ZDHHC14: variants seen among roughly 807,000 people sequenced by gnomAD.
ZDHHC14 encodes zDHHC palmitoyltransferase 14.
ZDHHC14 carries 16 observed loss-of-function variants against 47.7 expected under a neutral mutation model. The observed-to-expected ratio is 0.34, with a 90% CI of 0.23 to 0.51. The LOEUF (loss-of-function observed/expected upper bound fraction) is 0.51. ZDHHC14 is among the 20% of genes least tolerant of loss of function. ZDHHC14 has a pLI of 0.97. For synonymous variants in ZDHHC14, 293 were observed against 278.9 expected, an observed-to-expected ratio of 1.05 and a Z score of -0.50; for missense variants, 515 against 662.5, an observed-to-expected ratio of 0.78 and a Z score of 2.44.
intron 7 of ZDHHC14, among the ~76,000 whole-genome samples, chr6:157,651,954 T>C (rs1164627926): frequency 6.6e-6 from 1 of 152,210 alleles, no homozygotes; most frequent in South Asian, 2.1e-4. Flanking sequence ...GCCCCATCCC[T>C]GGCTGTCACC....
chr6:157,548,864 C>T (rs1782096678), intron 2 of ZDHHC14, among the ~76,000 whole-genome samples: 1 of 152,222 alleles, frequency 6.6e-6, no homozygotes, highest in African/African-American at 2.4e-5. Flanking sequence ...CGTGCTTTTA[C>T]CATGTGTCTG....
At chr6:157,525,934 G>A (rs544833377) in intron 1 of ZDHHC14, among the ~76,000 whole-genome samples, 8 of 152,244 alleles carry the variant, frequency 5.3e-5, no homozygotes, top group East Asian at 3.9e-4. Context: ...CCTCTCCGCC[G>A]GGATAAACTG....
At chr6:157,584,933 G>A (rs887369197) in intron 2 of ZDHHC14, among the ~76,000 whole-genome samples, 2 of 152,114 alleles carry the variant, frequency 1.3e-5, no homozygotes, top group South Asian at 2.1e-4. Flanking sequence ...GGATGGGCAC[G>A]GTGGCTCATG....
At chr6:157,601,016 C>T (rs535209049) in intron 3 of ZDHHC14, among the ~76,000 whole-genome samples, 39 of 152,302 alleles carry the variant, frequency 2.6e-4, no homozygotes, top group African/African-American at 8.9e-4. Flanking sequence ...CGGTGAATCC[C>T]GCCTCCAGCA....
chr6:157,632,604 A>T, intron 4 of ZDHHC14: 1 of 572,884 alleles, frequency 1.7e-6, no homozygotes, highest in Non-Finnish European at 3.1e-6. Flanking sequence ...ATCTGCTTTT[A>T]TTGAAAAAAT....
At chr6:157,409,229 C>T (rs990163627) in intron 1 of ZDHHC14, among the ~76,000 whole-genome samples, 3 of 152,170 alleles carry the variant, frequency 2.0e-5, no homozygotes, top group African/African-American at 4.8e-5. Flanking sequence ...TTTCTGCTTC[C>T]GCGTCCCAGG....
At chr6:157,657,475 C>T (rs904074641) in intron 8 of ZDHHC14, among the ~76,000 whole-genome samples, 2 of 152,160 alleles carry the variant, frequency 1.3e-5, no homozygotes, top group African/African-American at 4.8e-5. Context: ...GGTACAAAAA[C>T]ACTCCAGCGT....
chr6:157,585,962 G>A (rs757747282), intron 2 of ZDHHC14, among the ~76,000 whole-genome samples: 1 of 152,254 alleles, frequency 6.6e-6, no homozygotes, highest in Admixed American at 6.5e-5. Context: ...GCAGGGTGGA[G>A]GTGCGGGAGC....
At chr6:157,608,619 G>A (rs963838805) in intron 3 of ZDHHC14, among the ~76,000 whole-genome samples, 2 of 152,224 alleles carry the variant, frequency 1.3e-5, no homozygotes, top group Non-Finnish European at 2.9e-5. Flanking sequence ...TGTGGCTGAC[G>A]TGGAGACTCA....
chr6:157,563,418 G>A (rs1301170178), intron 2 of ZDHHC14, among the ~76,000 whole-genome samples: 1 of 152,198 alleles, frequency 6.6e-6, no homozygotes, highest in African/African-American at 2.4e-5. Flanking sequence ...CTCTGACTTG[G>A]GGGAGGCTGT....
chr6:157,666,267 T>C (rs1289565099), intron 8 of ZDHHC14, among the ~76,000 whole-genome samples: 4 of 152,256 alleles, frequency 2.6e-5, no homozygotes, highest in Non-Finnish European at 5.9e-5. Context: ...ATTTTGTTTT[T>C]AGAAAATCAT....
chr6:157,387,615 T>C (rs1388428755), intron 1 of ZDHHC14, among the ~76,000 whole-genome samples: 1 of 152,236 alleles, frequency 6.6e-6, no homozygotes, highest in Non-Finnish European at 1.5e-5. Flanking sequence ...CAAGGATGTT[T>C]ATAACCCACT....
chr6:157,439,094 C>T (rs774613806), intron 1 of ZDHHC14, among the ~76,000 whole-genome samples: 6 of 152,114 alleles, frequency 3.9e-5, no homozygotes, highest in Non-Finnish European at 7.4e-5. Context: ...GGTACAGTTC[C>T]CCATCCAGAG....
intron 3 of ZDHHC14, among the ~76,000 whole-genome samples, chr6:157,620,097 G>A (rs1001422150): frequency 1.4e-4 from 22 of 152,176 alleles, no homozygotes; most frequent in Non-Finnish European, 2.5e-4. Flanking sequence ...TCCATTTTCT[G>A]TTGCTATAAC....
intron 1 of ZDHHC14, among the ~76,000 whole-genome samples, chr6:157,489,457 A>C (rs1779860712): frequency 6.7e-6 from 1 of 149,400 alleles, no homozygotes; most frequent in Non-Finnish European, 1.5e-5. Context: ...GAATGTTTTT[A>C]TTGTTGTTTT....
At chr6:157,537,664 T>G (rs896485773) in intron 1 of ZDHHC14, among the ~76,000 whole-genome samples, 1 of 152,146 alleles carries the variant, frequency 6.6e-6, no homozygotes, top group African/African-American at 2.4e-5. Flanking sequence ...TTCCATTTGG[T>G]GTTTATATCT....
At chr6:157,628,935 C>G (rs1405795653) in intron 4 of ZDHHC14, among the ~76,000 whole-genome samples, 1 of 152,182 alleles carries the variant, frequency 6.6e-6, no homozygotes, top group Non-Finnish European at 1.5e-5. Flanking sequence ...TATGTAAGAA[C>G]AGTCACCAGT....
intron 5 of ZDHHC14, among the ~76,000 whole-genome samples, chr6:157,637,491 T>A (rs1339948844): frequency 6.6e-6 from 1 of 152,174 alleles, no homozygotes; most frequent in Non-Finnish European, 1.5e-5. Context: ...ATGAGTTTGA[T>A]CTGGGGCACA....
chr6:157,407,273 G>A (rs1583618734), intron 1 of ZDHHC14, among the ~76,000 whole-genome samples: 3 of 152,054 alleles, frequency 2.0e-5, no homozygotes, highest in Admixed American at 6.6e-5. Flanking sequence ...CTGTAGCCCC[G>A]CCCCTGGGAA....
Sources: allele counts gnomAD v4.1 joint callset (sites outside exome capture counted in the v4.1 genomes callset), GRCh38; gene constraint gnomAD v4.1.1; transcripts MANE v1.5; gene names NCBI Gene and HGNC (gene_info 2026-07-23, HGNC 2026-07-21).